Variants in SH3KBP1 observed in about 807,000 individuals in gnomAD.
SH3KBP1 encodes SH3 domain-containing kinase-binding protein 1.
Under a neutral mutation model 50.1 loss-of-function variants are expected in SH3KBP1, and 8 were observed. The ratio of observed to expected loss-of-function variants is 0.16; its 90% CI spans 0.09 to 0.29. SH3KBP1 has a LOEUF of 0.29. Ranked by LOEUF, SH3KBP1 falls within the 10% of genes least tolerant of loss-of-function variation. SH3KBP1 has a pLI of 1.00. For synonymous variants in SH3KBP1, 227 were observed against 218.6 expected (o/e 1.04, Z -0.34); for missense variants, 377 against 535.2 (o/e 0.70, Z 2.92).
chrX:19,759,664 C>A (rs1364910916), intron 2 of SH3KBP1, among the ~76,000 whole-genome samples: 1 of 111,059 alleles, frequency 9.0e-6, no homozygotes, highest in Non-Finnish European at 1.9e-5. Context: ...CACGCAGCAA[C>A]TCCAAGATCA....
At chrX:19,682,341 C>T (rs905173184) in intron 6 of SH3KBP1, among the ~76,000 whole-genome samples, 3 of 101,255 alleles carry the variant, frequency 3.0e-5, no homozygotes, top group Non-Finnish European at 5.9e-5. Context: ...CATACACACA[C>T]ACACACACAC....
chrX:19,673,796 C>A (rs1245622440), intron 6 of SH3KBP1, among the ~76,000 whole-genome samples: 1 of 111,368 alleles, frequency 9.0e-6, no homozygotes, highest in Non-Finnish European at 1.9e-5. Context: ...CAGAGCCCTG[C>A]AGGAAGAGGC....
chrX:19,609,929 T>C (rs1360389631), intron 8 of SH3KBP1, among the ~76,000 whole-genome samples: 1 of 111,819 alleles, frequency 8.9e-6, no homozygotes, highest in Non-Finnish European at 1.9e-5. Context: ...GAATTCTCTA[T>C]AAGTTAGCAT....
intron 1 of SH3KBP1, among the ~76,000 whole-genome samples, chrX:19,880,927 T>A (rs2069413706): frequency 8.9e-6 from 1 of 111,847 alleles, no homozygotes; most frequent in Non-Finnish European, 1.9e-5. Context: ...GGGAAATGAA[T>A]TCCTCCAGAA....
At chrX:19,788,184 A>C (rs1471951779) in intron 2 of SH3KBP1, among the ~76,000 whole-genome samples, 1 of 104,571 alleles carries the variant, frequency 9.6e-6, no homozygotes, top group Non-Finnish European at 1.9e-5. Context: ...TGGGAGGATC[A>C]CTTGAGCCCA....
At chrX:19,600,081 G>A (rs1308384243) in intron 9 of SH3KBP1, among the ~76,000 whole-genome samples, 1 of 90,403 alleles carries the variant, frequency 1.1e-5, no homozygotes, top group East Asian at 3.3e-4. Context: ...CTTGCAGTGG[G>A]CGAGACTCCG....
intron 12 of SH3KBP1, among the ~76,000 whole-genome samples, chrX:19,581,478 G>A (rs1053845744): frequency 4.5e-5 from 5 of 111,653 alleles, no homozygotes; most frequent in Non-Finnish European, 9.4e-5. Flanking sequence ...TAGCTTTCTC[G>A]TCCTCTTTTT....
intron 6 of SH3KBP1, among the ~76,000 whole-genome samples, chrX:19,676,607 A>G (rs1356159757): frequency 9.0e-6 from 1 of 111,517 alleles, no homozygotes; most frequent in Non-Finnish European, 1.9e-5. Flanking sequence ...TGTGCCACAT[A>G]AATACACCTA....
chrX:19,683,787 A>G, intron 6 of SH3KBP1, 36 bp downstream of exon 6: 1 of 1,167,166 alleles, frequency 8.6e-7, no homozygotes, highest in East Asian at 3.0e-5. Flanking sequence ...GATATTCCAC[A>G]TTAAGTTGAA....
intron 2 of SH3KBP1, among the ~76,000 whole-genome samples, chrX:19,748,984 A>T (rs1292690792): frequency 8.9e-6 from 1 of 112,446 alleles, no homozygotes; most frequent in Non-Finnish European, 1.9e-5. Flanking sequence ...CAAGCAAAGG[A>T]CTTGAATAGA....
chrX:19,560,476 G>C (rs897310525), intron 13 of SH3KBP1, among the ~76,000 whole-genome samples: 1 of 111,453 alleles, frequency 9.0e-6, no homozygotes, highest in Non-Finnish European at 1.9e-5. Context: ...ATTTTTTGTA[G>C]AGACAGAGTA....
At chrX:19,697,216 T>C (rs113052435) in intron 4 of SH3KBP1, among the ~76,000 whole-genome samples, 2 of 112,289 alleles carry the variant, frequency 1.8e-5, no homozygotes, top group African/African-American at 6.5e-5. Context: ...TATTGGGACA[T>C]AATCCCATTT....
chrX:19,792,502 A>G (rs2066562080), intron 2 of SH3KBP1, among the ~76,000 whole-genome samples: 1 of 110,996 alleles, frequency 9.0e-6, no homozygotes, highest in Non-Finnish European at 1.9e-5. Context: ...GGCAGACACA[A>G]TGCTCTTCCA....
At chrX:19,699,348 C>T (rs150530174) in intron 4 of SH3KBP1, among the ~76,000 whole-genome samples, 10 of 112,539 alleles carry the variant, frequency 8.9e-5, no homozygotes, top group African/African-American at 1.9e-4. Context: ...TAACTTCCAC[C>T]CCAAGGAAAG....
At chrX:19,763,494 G>A (rs1357077392) in intron 2 of SH3KBP1, among the ~76,000 whole-genome samples, 1 of 112,205 alleles carries the variant, frequency 8.9e-6, no homozygotes, top group African/African-American at 3.2e-5. Context: ...ATAGCATCCT[G>A]CTTTTCCCTC....
chrX:19,543,157 G>C (rs1169587465), intron 15 of SH3KBP1, among the ~76,000 whole-genome samples: 1 of 111,407 alleles, frequency 9.0e-6, no homozygotes. Context: ...CAGGAGGATG[G>C]AGACCCTGCC....
intron 7 of SH3KBP1, among the ~76,000 whole-genome samples, chrX:19,643,237 AACAATT>A: frequency 9.2e-6 from 1 of 109,160 alleles, no homozygotes; most frequent in Admixed American, 9.7e-5. Flanking sequence ...ATCATGGAAG[AACAATT>A]ACCCCAGAAT....
At chrX:19,762,779 G>A (rs931909271) in intron 2 of SH3KBP1, among the ~76,000 whole-genome samples, 1 of 111,685 alleles carries the variant, frequency 9.0e-6, no homozygotes, top group Non-Finnish European at 1.9e-5. Context: ...CACAGATGAA[G>A]GCACAACAGT....
rs1216919828 is a variant in SH3KBP1, at chrX:19,683,934, G to A, written c.615C>T (p.Ile205=). Residue 205 remains isoleucine, a synonymous_variant, in exon 6 of 18, where the codon ATC becomes ATT. Transcript: ENST00000397821. ...CCACTCCCTTAACTTTCTTGGGCTG[G>A]ATTGCTGCAGTTGCCACTGTCCCGT... The part of the protein sequence containing the change: ...GANGTVATAA[I]QPKKVKGVGF... The A allele has an allele frequency of 5.0e-6, 6 of 1,210,794 alleles. No individual in the cohort carries two copies. The highest frequency in any genetic ancestry group is 6.7e-6 in the Non-Finnish European group (6 of 894,604).
Sources: allele counts gnomAD v4.1 joint callset (sites outside exome capture counted in the v4.1 genomes callset), GRCh38; gene constraint gnomAD v4.1.1; transcripts MANE v1.5; gene names NCBI Gene and HGNC (gene_info 2026-07-23, HGNC 2026-07-21).